The following NF1 variants were observed in gnomAD, a reference collection of about 807,000 sequenced individuals.
NF1 encodes neurofibromin.
NF1 carries 122 observed loss-of-function variants against 325.7 expected under a neutral mutation model. That is an observed-to-expected ratio of 0.37 (90% CI 0.32 to 0.44). The LOEUF (loss-of-function observed/expected upper bound fraction) is 0.44, where lower values mean the gene tolerates loss of function less well. Ranked by LOEUF, NF1 falls within the 20% of genes least tolerant of loss-of-function variation. The probability of loss-of-function intolerance (pLI) is 1.00; values close to 1 mark genes in which losing one functional copy is unlikely to be tolerated. For missense variants in NF1, 2,140 were observed against 3,415.4 expected, an observed-to-expected ratio of 0.63 and a Z score of 9.31; for synonymous variants, 1,091 against 1,186.0, an observed-to-expected ratio of 0.92 and a Z score of 1.65.
chr17:31,217,826 G>A (rs1422765425), intron 13 of NF1, among the ~76,000 whole-genome samples: 1 of 151,066 alleles, frequency 6.6e-6, no homozygotes, highest in Non-Finnish European at 1.5e-5. Context: ...TTAGCTAGAC[G>A]TGGTGGCGCA....
intron 1 of NF1, among the ~76,000 whole-genome samples, chr17:31,096,606 C>T (rs1911744149): frequency 6.6e-6 from 1 of 152,002 alleles, no homozygotes; most frequent in Admixed American, 6.6e-5. Context: ...ATTTTGTTTA[C>T]TGGATATAAT....
chr17:31,288,618 C>G (rs1412684149), intron 36 of NF1, among the ~76,000 whole-genome samples: 1 of 149,320 alleles, frequency 6.7e-6, no homozygotes, highest in Admixed American at 6.8e-5. Flanking sequence ...CTTACTGCAA[C>G]CTCCGCCTCC....
intron 50 of NF1, 126 bp from the exon 51 acceptor site, chr17:31,352,131 A>T: frequency 1.2e-6 from 1 of 859,894 alleles, no homozygotes; most frequent in Non-Finnish European, 1.9e-6. Flanking sequence ...AAAGCCCTTT[A>T]AAGTGCAATT....
Position 31,358,597 on chromosome 17 carries a change from A to C in NF1, c.8088A>C (p.Pro2696=), listed in dbSNP as rs2151585111. The change falls in exon 55 of 58, where the codon CCA becomes CCC. Residue 2696 remains proline (P), a synonymous_variant. Coordinates refer to ENST00000358273, the MANE Select transcript of NF1 (RefSeq NM_001042492.3). ...QSVVYHEESP[P]QYQTSYLQSF... ...TGGTGTACCATGAAGAATCCCCACC[A>C]CAATACCAAACATCTTACCTGCAAA... 4 of 1,614,066 alleles carry C rather than the reference A, an allele frequency of 2.5e-6. No homozygotes were observed. Among genetic ancestry groups the C allele is most frequent in the Non-Finnish European group, 3.4e-6 (4 of 1,179,942 alleles).
At chr17:31,127,163 C>T (rs942647900) in intron 1 of NF1, among the ~76,000 whole-genome samples, 1 of 151,468 alleles carries the variant, frequency 6.6e-6, no homozygotes. Context: ...TGCCAGTAAT[C>T]CACTTGATTA....
At chr17:31,198,480 C>T (rs967467644) in intron 8 of NF1, among the ~76,000 whole-genome samples, 3 of 152,136 alleles carry the variant, frequency 2.0e-5, no homozygotes, top group Non-Finnish European at 2.9e-5. Flanking sequence ...GAGTTAGTTT[C>T]GGTAGACTGT....
chr17:31,221,953 A>G, intron 15 of NF1, 24 bp downstream of exon 15: 1 of 1,568,622 alleles, frequency 6.4e-7, no homozygotes, highest in Non-Finnish European at 8.6e-7. Flanking sequence ...TATTTTTTAA[A>G]TTCAACTTTT....
At chr17:31,325,508 C>T (rs568889454) in intron 36 of NF1, among the ~76,000 whole-genome samples, 2 of 152,336 alleles carry the variant, frequency 1.3e-5, no homozygotes, top group South Asian at 2.1e-4. Flanking sequence ...CCAGACTATT[C>T]GCCTAAGGAG....
chr17:31,371,721 G>A (rs544218901), intron 57 of NF1, among the ~76,000 whole-genome samples: 2 of 152,328 alleles, frequency 1.3e-5, no homozygotes, highest in Admixed American at 1.3e-4. Flanking sequence ...GATTTTCAGT[G>A]GTGGTTCAGC....
chr17:31,367,517 A>G (rs1458546814), intron 57 of NF1, among the ~76,000 whole-genome samples: 4 of 152,232 alleles, frequency 2.6e-5, no homozygotes, highest in Non-Finnish European at 5.9e-5. Context: ...TGAAGATGCA[A>G]TCCCATACCT....
At chr17:31,299,463 T>G (rs560590238) in intron 36 of NF1, 2 of 152,186 alleles carry the variant, frequency 1.3e-5, no homozygotes, top group Non-Finnish European at 2.9e-5. Flanking sequence ...AACTTTTACA[T>G]TCTAGATTAA....
intron 36 of NF1, among the ~76,000 whole-genome samples, chr17:31,303,235 G>A (rs944347088): frequency 2.0e-5 from 3 of 152,214 alleles, no homozygotes; most frequent in African/African-American, 7.2e-5. Context: ...GGAAGAATAT[G>A]TGCTTGTTGG....
At chr17:31,351,784 C>T (rs959059855) in intron 50 of NF1, among the ~76,000 whole-genome samples, 5 of 152,090 alleles carry the variant, frequency 3.3e-5, no homozygotes, top group African/African-American at 1.2e-4. Flanking sequence ...GCAGGCCGCA[C>T]GCAGCCCAGG....
chr17:31,146,249 A>G (rs1597614626), intron 1 of NF1, among the ~76,000 whole-genome samples: 1 of 152,078 alleles, frequency 6.6e-6, no homozygotes, highest in Non-Finnish European at 1.5e-5. Flanking sequence ...ATCTGGGGAG[A>G]CAAGATTTTT....
rs786202990 is a variant in NF1, at chr17:31,252,945, G to A, written c.4118G>A (p.Cys1373Tyr). The change falls in exon 31 of 58, where the codon TGC becomes TAC. Residue 1373 changes from cysteine (C) to tyrosine (Y), a missense_variant. This residue lies in a region of NF1 where 336 missense variants were observed against 399.0 expected (regional missense o/e 0.84). Coordinates refer to ENST00000358273, the MANE Select transcript of NF1 (RefSeq NM_001042492.3). ...CTCATCTCTGTTCTGTAGGCAACTT[G>A]CCACTCCCTACTGAATAAAGCTACA... ...SVCHCLYQATCHSLLNKATVK... is the reference protein window; with the variant it reads ...SVCHCLYQATYHSLLNKATVK... The A allele has an allele frequency of 1.2e-6, 2 of 1,613,346 alleles. No homozygotes were observed. The highest frequency in any genetic ancestry group is 1.3e-5 in the African/African-American group (1 of 74,858).
In NF1 at chr17:31,232,167, G is replaced by A. The variant is rs762164628; in HGVS notation, c.3292G>A (p.Ala1098Thr). The A allele has an allele frequency of 6.2e-7, 1 of 1,604,912 alleles. No homozygotes were observed. Among genetic ancestry groups the A allele is most frequent in the Non-Finnish European group, 8.5e-7 (1 of 1,175,094 alleles). ...EEGDGVELMEAKSQLFLKYFT... is the reference protein window; with the variant it reads ...EEGDGVELMETKSQLFLKYFT... The stretch of plus-strand genomic sequence containing the variant: ...AGGAGATGGTGTGGAATTGATGGAA[G>A]CCAAATCACAGTTATTTCTTAAGTA... The change falls in exon 25 of 58, where the codon GCC (alanine) becomes ACC (threonine). Residue 1098 changes from alanine (A) to threonine (T), a missense_variant. Physicochemically the swap from Ala to Thr is moderately conservative, Grantham distance 58. Transcript: ENST00000358273.
intron 1 of NF1, among the ~76,000 whole-genome samples, chr17:31,122,702 A>G (rs1236853401): frequency 6.6e-6 from 1 of 152,246 alleles, no homozygotes; most frequent in South Asian, 2.1e-4. Flanking sequence ...AAGATTAATT[A>G]TATGAAGTAT....
At chr17:31,124,987 A>G (rs988617983) in intron 1 of NF1, among the ~76,000 whole-genome samples, 18 of 152,120 alleles carry the variant, frequency 1.2e-4, no homozygotes, top group Non-Finnish European at 2.2e-4. Context: ...AAAAAAAAAA[A>G]AACATGGTGA....
rs189114689 is a variant in NF1, at chr17:31,299,883, T to C, written c.4836-25937T>C. On this transcript the variant is annotated intron_variant, in intron 36 of 57. Transcript: ENST00000358273. ...GTCTCTCATCTTGGAGTTTTCTCTT[T>C]GACTCTTTGGGAAGATTTAATTTGT... Among the ~76,000 whole-genome samples, 54 of 152,182 alleles carry C rather than the reference T, an allele frequency of 3.5e-4. No homozygotes were observed. The East Asian group carries it at 0.01, about 29-fold the overall frequency.
Sources: allele counts gnomAD v4.1 joint callset (sites outside exome capture counted in the v4.1 genomes callset), GRCh38; gene constraint gnomAD v4.1.1; regional missense constraint gnomAD v4.1.1; transcripts MANE v1.5; gene names NCBI Gene and HGNC (gene_info 2026-07-23, HGNC 2026-07-21).